EIF2AK1: variants seen among roughly 807,000 people sequenced by gnomAD.
EIF2AK1 encodes the protein eukaryotic translation initiation factor 2-alpha kinase 1.
Under a neutral mutation model 77.9 loss-of-function variants are expected in EIF2AK1, and 54 were observed. The observed-to-expected ratio is 0.69, with a 90% CI of 0.56 to 0.87. The LOEUF (loss-of-function observed/expected upper bound fraction) is 0.87, where lower values mean the gene tolerates loss of function less well. Ranked by LOEUF, EIF2AK1 falls within the 40% of genes least tolerant of loss-of-function variation. EIF2AK1 has a pLI of 0.00. For synonymous variants in EIF2AK1, 314 were observed against 290.5 expected (o/e 1.08, Z -0.82); for missense variants, 810 against 768.6 (o/e 1.05, Z -0.64).
chr7:6,023,564 T>TG lies in EIF2AK1; in HGVS notation c.*1108dup. ...GGGAATGAACTCACCGTAGCAGACG[T>TG]GGTGCTGTGGTCTGTACTCCAGCAG... On this transcript the variant is annotated 3_prime_UTR_variant, in exon 15 of 15. Coordinates refer to ENST00000199389, the MANE Select transcript of EIF2AK1 (RefSeq NM_014413.4). 1 of 1,614,208 alleles carries TG rather than the reference T, an allele frequency of 6.2e-7. No homozygotes were observed. Among genetic ancestry groups the TG allele is most frequent in the Non-Finnish European group, 8.5e-7 (1 of 1,180,040 alleles).
intron 11 of EIF2AK1, among the ~76,000 whole-genome samples, chr7:6,029,866 C>G (rs983850761): frequency 2.6e-5 from 4 of 151,864 alleles, no homozygotes; most frequent in South Asian, 2.1e-4. Flanking sequence ...GCCTGTAATC[C>G]CAGCTACTCG....
Position 6,024,377 on chromosome 7 carries a change from A to AGAG in EIF2AK1, c.*295_*296insCTC. ...GGGAGCACACATCAATTTCTGCGGT[A>AGAG]CCTTCTAGAGGAAGACCAGACAGAG... is the stretch of plus-strand genomic sequence containing the variant. On this transcript the variant is annotated 3_prime_UTR_variant, in exon 15 of 15. Coordinates refer to ENST00000199389, the MANE Select transcript of EIF2AK1 (RefSeq NM_014413.4). The AGAG allele has an allele frequency of 1.8e-6, 2 of 1,134,558 alleles. No homozygotes were observed. Among genetic ancestry groups the AGAG allele is most frequent in the Non-Finnish European group, 2.1e-6 (2 of 939,556 alleles). The allele number at this position is 1,134,558 out of a possible 1,614,324, so 70.3% of individuals were successfully genotyped here.
In EIF2AK1 at chr7:6,033,117, C is replaced by T. The variant is rs890070102; in HGVS notation, c.1333-4085G>A. Among the ~76,000 whole-genome samples, 2 of 152,026 alleles carry T rather than the reference C, an allele frequency of 1.3e-5. No homozygotes were observed. The highest frequency in any genetic ancestry group is 2.9e-5 in the Non-Finnish European group (2 of 67,986). On this transcript the variant is annotated intron_variant, in intron 11 of 14. Transcript: ENST00000199389. This position sits in a 1 kb window ranked among gnomAD's most constrained non-coding sequence, Gnocchi z 4.4. ...CCGAGTAGCTGGGATTACAGGTGTG[C>T]GTCACCATGCCCAGCTAACATTTGT...
intron 11 of EIF2AK1, chr7:6,031,406 G>A (rs898835586): frequency 1.8e-5 from 28 of 1,550,760 alleles, no homozygotes; most frequent in Non-Finnish European, 2.4e-5. Flanking sequence ...AGGAAGCAGA[G>A]ACCTGGTGGT....
At chr7:6,053,714 C>T (rs1412579871) in intron 2 of EIF2AK1, among the ~76,000 whole-genome samples, 2 of 138,724 alleles carry the variant, frequency 1.4e-5, no homozygotes, top group African/African-American at 2.7e-5. Context: ...GTTGCCCAGG[C>T]TGGAGTGCAG....
chr7:6,047,360 A>C, intron 4 of EIF2AK1: 1 of 493,958 alleles, frequency 2.0e-6, no homozygotes, highest in South Asian at 1.9e-5. Context: ...GCAGTTGGTT[A>C]GCTAAGCTCA....
intron 1 of EIF2AK1, among the ~76,000 whole-genome samples, chr7:6,057,824 T>G (rs1007837539): frequency 2.0e-5 from 3 of 152,046 alleles, no homozygotes; most frequent in African/African-American, 7.2e-5. Context: ...GAGAGGGGGT[T>G]TCACCATGAT....
intron 9 of EIF2AK1, among the ~76,000 whole-genome samples, chr7:6,039,835 G>C (rs1264538102): frequency 6.6e-6 from 1 of 151,764 alleles, no homozygotes; most frequent in Non-Finnish European, 1.5e-5. Flanking sequence ...TACTCGGGAG[G>C]CTGAGGCAGG....
At chr7:6,025,902 T>C (rs1425340093) in intron 14 of EIF2AK1, among the ~76,000 whole-genome samples, 2 of 151,794 alleles carry the variant, frequency 1.3e-5, no homozygotes, top group African/African-American at 2.4e-5. Context: ...CAAAATCCCA[T>C]GCCTGGGATT....
At position 6,036,314 on chromosome 7, in the gene EIF2AK1, C is replaced by T; in HGVS notation, c.1332+1110G>A. ...TTTATGGTGAGAAATACAAACAGCA[C>T]TTGAAGCAATTCCTCCCAGTGACAA... On this transcript the variant is annotated intron_variant, in intron 11 of 14. Coordinates refer to ENST00000199389, the MANE Select transcript of EIF2AK1 (RefSeq NM_014413.4). The surrounding 1 kb of genome is among the most constrained non-coding windows in gnomAD (Gnocchi z 4.6). 6.5e-7 allele frequency: 1 copy of T among 1,545,612 alleles called. No individual in the cohort carries two copies. Among genetic ancestry groups the T allele is most frequent in the Non-Finnish European group, 8.7e-7 (1 of 1,145,460 alleles).
chr7:6,059,143 G>C lies in EIF2AK1; in HGVS notation c.-60C>G. 2 of 1,152,028 alleles carry C rather than the reference G, an allele frequency of 1.7e-6. No individual in the cohort carries two copies. The highest frequency in any genetic ancestry group is 1.1e-6 in the Non-Finnish European group (1 of 880,838). The allele number at this position is 1,152,028 out of a possible 1,614,324, so 71.4% of individuals were successfully genotyped here. On this transcript the variant is annotated 5_prime_UTR_variant, in exon 1 of 15. It adds an upstream start codon to the 5' untranslated region. Coordinates refer to ENST00000199389, the MANE Select transcript of EIF2AK1 (RefSeq NM_014413.4). ...GGCCAGCCCAGCACTGCCACACTCC[G>C]ATGCTGCAGCTAGCGCCGTCCGACC... is the stretch of plus-strand genomic sequence containing the variant.
intron 7 of EIF2AK1, among the ~76,000 whole-genome samples, chr7:6,044,174 G>C (rs1788378662): frequency 6.6e-6 from 1 of 151,784 alleles, no homozygotes; most frequent in South Asian, 2.1e-4. Flanking sequence ...ATTTAAAAAT[G>C]TAAAAACCAA....
In EIF2AK1 at chr7:6,036,080, G is replaced by A. The variant is rs1315053971; in HGVS notation, c.1332+1344C>T. ...GAAACGGGGAATCTCCAATTTATATGTACCTTCAGCGCAGTTGCAATGTAA... is the reference window on the plus strand; with the variant it reads ...GAAACGGGGAATCTCCAATTTATATATACCTTCAGCGCAGTTGCAATGTAA... On this transcript the variant is annotated intron_variant, in intron 11 of 14. Transcript: ENST00000199389. The surrounding 1 kb of genome is among the most constrained non-coding windows in gnomAD (Gnocchi z 4.6). The A allele has an allele frequency of 3.9e-6, 6 of 1,551,020 alleles. No homozygotes were observed. Among genetic ancestry groups the A allele is most frequent in the South Asian group, 1.2e-5 (1 of 84,060 alleles).
At chr7:6,028,083 C>CAAAAAAAAAAAAAAA in intron 13 of EIF2AK1, 1 of 348,674 alleles carries the variant, frequency 2.9e-6, no homozygotes, top group Non-Finnish European at 5.7e-6. Flanking sequence ...AATGAACAAA[C>CAAAAAAAAAAAAAAA]AAAAAAATTG....
chr7:6,043,086 G>A (rs1419938972), intron 7 of EIF2AK1, 93 bp from the exon 8 acceptor site: 6 of 1,229,240 alleles, frequency 4.9e-6, no homozygotes, highest in Non-Finnish European at 4.7e-6. Flanking sequence ...AGTGTCAAAT[G>A]AGACTACAAG....
intron 7 of EIF2AK1, among the ~76,000 whole-genome samples, chr7:6,043,961 T>C (rs1156440700): frequency 2.0e-4 from 30 of 151,260 alleles, no homozygotes; most frequent in Admixed American, 2.0e-3. Context: ...TAGCCAGGCG[T>C]GGCGGCACAC....
chr7:6,042,819 T>C (rs1788335780), intron 8 of EIF2AK1, 114 bp downstream of exon 8: 4 of 799,076 alleles, frequency 5.0e-6, no homozygotes, highest in East Asian at 2.7e-5. Context: ...TGAGCCAAGA[T>C]TGTGCCACTG....
chr7:6,026,430 C>A, intron 14 of EIF2AK1: 1 of 572,744 alleles, frequency 1.7e-6, no homozygotes, highest in East Asian at 4.3e-5. Flanking sequence ...CAGGAAGTTT[C>A]CTACCGGCCT....
rs566169368 is a variant in EIF2AK1 at position 6,036,743 on chromosome 7, C to T, written c.1332+681G>A. ...TTTTCTAAAACAGCAAAAAAACTTC[C>T]GATTTTGTTAAACTTTAAGATGAAT... On this transcript the variant is annotated intron_variant, in intron 11 of 14. Coordinates refer to ENST00000199389, the MANE Select transcript of EIF2AK1 (RefSeq NM_014413.4). The surrounding 1 kb of genome is among the most constrained non-coding windows in gnomAD (Gnocchi z 4.6). Among the ~76,000 whole-genome samples, 8 of 151,928 alleles carry T rather than the reference C, an allele frequency of 5.3e-5. No homozygotes were observed. The highest frequency in any genetic ancestry group is 2.1e-4 in the South Asian group (1 of 4,818).
Sources: allele counts gnomAD v4.1 joint callset (sites outside exome capture counted in the v4.1 genomes callset), GRCh38; gene constraint gnomAD v4.1.1; non-coding constraint Gnocchi (gnomAD v3.1); transcripts MANE v1.5; gene names NCBI Gene and HGNC (gene_info 2026-07-23, HGNC 2026-07-21).